Variants in TBC1D26 observed in about 807,000 individuals in gnomAD.
TBC1D26 encodes TBC1 domain family member 26.
A neutral mutation model predicts 42.5 loss-of-function variants in TBC1D26; 19 were observed. The observed-to-expected ratio is 0.45, with a 90% CI of 0.31 to 0.66. TBC1D26 has a LOEUF of 0.66. Among genes scored for constraint, TBC1D26 ranks in the 30% least tolerant of loss-of-function variants. The pLI is 0.06. For synonymous variants in TBC1D26, 97 were observed against 123.5 expected (o/e 0.79, Z 1.42); for missense variants, 228 against 332.6 (o/e 0.69, Z 2.45).
At chr17:15,741,012 C>G (rs1035595238) in intron 9 of TBC1D26, 110 bp from the exon 10 acceptor site, 28 of 1,437,202 alleles carry the variant, frequency 1.9e-5, no homozygotes, top group Non-Finnish European at 2.5e-5. Flanking sequence ...CCCCTGGGGC[C>G]TGAGGCAGGT....
At chr17:15,741,628 T>G in intron 10 of TBC1D26, 2 of 474,674 alleles carry the variant, frequency 4.2e-6, no homozygotes, top group Non-Finnish European at 3.8e-6. Context: ...GCCCATCCCA[T>G]GTCCCCCAGC....
intron 4 of TBC1D26, among the ~76,000 whole-genome samples, chr17:15,736,824 G>A (rs578035346): frequency 6.6e-6 from 1 of 152,406 alleles, no homozygotes; most frequent in South Asian, 2.1e-4. Flanking sequence ...GACGGATCTG[G>A]GAGGTCTCAC....
Position 15,743,513 on chromosome 17 carries a change from C to A in TBC1D26, c.1054C>A (p.Pro352Thr). 1 of 1,001,556 alleles carries A rather than the reference C, an allele frequency of 1.0e-6. No homozygotes were observed. The highest frequency in any genetic ancestry group is 4.4e-5 in the South Asian group (1 of 22,742). The allele number at this position is 1,001,556 out of a possible 1,614,324, so 62.0% of individuals were successfully genotyped here. A position where few individuals can be genotyped will look rare whatever the true frequency, so the allele number is the denominator to read the frequency against. Reference protein sequence around the residue: ...LTKKHWDLPPPGSLLQNAHCY... With the variant: ...LTKKHWDLPPTGSLLQNAHCY... ...AAAAAAACACTGGGACCTGCCACCCCCAGGTGGGCTCTAGCACCAGGTACC... is the reference window on the plus strand; with the variant it reads ...AAAAAAACACTGGGACCTGCCACCCACAGGTGGGCTCTAGCACCAGGTACC... The change falls in exon 14 of 15, where the codon CCA becomes ACA. Residue 352 changes from proline to threonine, a missense_variant. Pro to Thr is a conservative substitution (Grantham distance 38). Coordinates refer to ENST00000437605, the MANE Select transcript of TBC1D26 (RefSeq NM_001388465.1).
At chr17:15,734,140 G>C (rs1967549007) in intron 1 of TBC1D26, 1 of 151,948 alleles carries the variant, frequency 6.6e-6, no homozygotes. Context: ...ACCCAGATGT[G>C]ACCCGGGCCG....
At chr17:15,741,023 G>A in intron 9 of TBC1D26, 99 bp from the exon 10 acceptor site, 1 of 1,510,366 alleles carries the variant, frequency 6.6e-7, no homozygotes, top group Non-Finnish European at 9.0e-7. Flanking sequence ...TGAGGCAGGT[G>A]TCCCCAAAGA....
At chr17:15,741,815 G>C (rs1309289211) in intron 10 of TBC1D26, 127 bp from the exon 11 acceptor site, 2 of 822,848 alleles carry the variant, frequency 2.4e-6, no homozygotes. Flanking sequence ...CTACATGCTG[G>C]GGTCACCACA....
chr17:15,742,120 C>A, intron 11 of TBC1D26, 84 bp downstream of exon 11: 1 of 1,197,412 alleles, frequency 8.4e-7, no homozygotes, highest in Non-Finnish European at 1.2e-6. Context: ...ATGGGGCTGG[C>A]AAGAGGCTGA....
Position 15,735,390 on chromosome 17 carries a change from G to C in TBC1D26, c.42G>C (p.Gly14=). ...DGDPYNLPAQ[G]QGNIIITKYE... ...ACCCGTATAACCTGCCTGCCCAGGG[G>C]CAAGGCAATATCATCATTACTAAGT... The change falls in exon 3 of 15, where the codon GGG becomes GGC. Residue 14 remains glycine, a synonymous_variant. Coordinates refer to ENST00000437605, the MANE Select transcript of TBC1D26 (RefSeq NM_001388465.1). 1 of 1,613,764 alleles carries C rather than the reference G, an allele frequency of 6.2e-7. No homozygotes were observed. Among genetic ancestry groups the C allele is most frequent in the South Asian group, 1.1e-5 (1 of 91,048 alleles).
intron 1 of TBC1D26, among the ~76,000 whole-genome samples, chr17:15,733,492 A>G (rs1202376981): frequency 6.6e-6 from 1 of 152,102 alleles, no homozygotes; most frequent in African/African-American, 2.4e-5. Context: ...CATCTTCAGG[A>G]CTGCCCCGTG....
At chr17:15,738,437 C>T (rs1193400115) in intron 7 of TBC1D26, 50 bp downstream of exon 7, 2 of 1,597,266 alleles carry the variant, frequency 1.3e-6, no homozygotes, top group Non-Finnish European at 1.7e-6. Context: ...TAGACTGTAT[C>T]AGGAGCCCAG....
In TBC1D26 at chr17:15,740,163, G is replaced by A; in HGVS notation, c.546+15G>A. 1 of 1,614,156 alleles carries A rather than the reference G, an allele frequency of 6.2e-7. No individual in the cohort carries two copies. Among genetic ancestry groups the A allele is most frequent in the Non-Finnish European group, 8.5e-7 (1 of 1,180,036 alleles). ...CATATAACCCTGTGAGTATTCCCGG[G>A]CAGCGATATTCCTGGGACATGTGCC... On this transcript the variant is annotated intron_variant, in intron 9 of 14. Transcript: ENST00000437605.
At position 15,744,541 on chromosome 17, in the gene TBC1D26, C is replaced by G. The variant is rs935137702; in HGVS notation, c.1356C>G (p.Ala452=). The part of the protein sequence containing the change: ...QLWPLTWTRD[A]PMQAGVPWLL... ...GGCCACTGACTTGGACCAGGGATGC[C>G]CCCATGCAGGCCGGTGTGCCCTGGC... is the stretch of plus-strand genomic sequence containing the variant. Residue 452 remains alanine (A), a synonymous_variant, in exon 15 of 15, where the codon GCC becomes GCG. Coordinates refer to ENST00000437605, the MANE Select transcript of TBC1D26 (RefSeq NM_001388465.1). 3 of 152,186 alleles carry G rather than the reference C, an allele frequency of 2.0e-5. No homozygotes were observed. The highest frequency in any genetic ancestry group is 2.9e-5 in the Non-Finnish European group (2 of 68,054). 9.4% of individuals were successfully genotyped at this position (152,186 alleles called of 1,614,324 possible). A position where few individuals can be genotyped will look rare whatever the true frequency, so the allele number is the denominator to read the frequency against.
In TBC1D26 at chr17:15,740,840, G is replaced by A. The variant is rs547766678; in HGVS notation, c.547-282G>A. 1.2e-4 allele frequency: 73 copies of A among 618,436 alleles called. No homozygotes were observed. In the African/African-American group the frequency reaches 1.2e-3, roughly 10 times the overall value. 38.3% of individuals were successfully genotyped at this position (618,436 alleles called of 1,614,324 possible). A position where few individuals can be genotyped will look rare whatever the true frequency, so the allele number is the denominator to read the frequency against. ...AGTGGCCTCCCCAGCCTGGCCCAGGGGAGGGAGCATGAACAATCCCTGACT... is the reference window on the plus strand; with the variant it reads ...AGTGGCCTCCCCAGCCTGGCCCAGGAGAGGGAGCATGAACAATCCCTGACT... On this transcript the variant is annotated intron_variant, in intron 9 of 14. Transcript: ENST00000437605.
chr17:15,737,958 C>T, intron 5 of TBC1D26, 39 bp from the exon 6 acceptor site: 2 of 1,613,936 alleles, frequency 1.2e-6, no homozygotes, highest in South Asian at 1.1e-5. Context: ...TGTCAGACGC[C>T]TGGCAGCTCC....
At chr17:15,741,890 T>G (rs1967793642) in intron 10 of TBC1D26, 52 bp from the exon 11 acceptor site, 3 of 1,586,846 alleles carry the variant, frequency 1.9e-6, no homozygotes, top group Non-Finnish European at 2.6e-6. Context: ...AGCTGATGCC[T>G]CCACATTTTG....
chr17:15,741,271 C>T (rs374588306), intron 10 of TBC1D26, 50 bp downstream of exon 10: 4 of 1,610,648 alleles, frequency 2.5e-6, no homozygotes, highest in Admixed American at 3.3e-5. Context: ...CGGGGCCTTA[C>T]ACAGCCATGC....
chr17:15,741,851 TG>T (rs1967792279), intron 10 of TBC1D26, 90 bp from the exon 11 acceptor site: 5 of 1,305,956 alleles, frequency 3.8e-6, no homozygotes, highest in Non-Finnish European at 3.2e-6. Flanking sequence ...CCTCGGGGTC[TG>T]GGGTCCCCTG....
At position 15,740,139 on chromosome 17, in the gene TBC1D26, A is replaced by G. The variant is rs373637888; in HGVS notation, c.537A>G (p.Ala179=). The change falls in exon 9 of 15, where the codon GCA becomes GCG. Residue 179 remains alanine, a synonymous_variant. Transcript: ENST00000437605. ...GTGACATCCTCGTGGCCTATTCTGCATATAACCCTGTGAGTATTCCCGGGC... is the reference window on the plus strand; with the variant it reads ...GTGACATCCTCGTGGCCTATTCTGCGTATAACCCTGTGAGTATTCCCGGGC... The part of the protein sequence containing the change: ...ELCDILVAYS[A]YNPEVGYHRD... 5.6e-5 allele frequency: 90 copies of G among 1,614,052 alleles called. No individual in the cohort carries two copies. Among genetic ancestry groups the G allele is most frequent in the Non-Finnish European group, 7.4e-5 (87 of 1,180,030 alleles).
intron 9 of TBC1D26, chr17:15,740,816 G>A: frequency 1.4e-6 from 1 of 702,286 alleles, no homozygotes; most frequent in Non-Finnish European, 2.0e-6. Flanking sequence ...GCCTGGCACA[G>A]TGGCCTCCCC....
Sources: gnomAD v4.1 joint callset for allele counts (sites outside exome capture counted in the v4.1 genomes callset) on GRCh38, gnomAD v4.1.1 for gene constraint, MANE v1.5 for transcripts, NCBI Gene and HGNC (gene_info 2026-07-23, HGNC 2026-07-21) for gene names.